Variants in MAGI1 observed in about 807,000 individuals in gnomAD.
MAGI1 encodes the protein membrane-associated guanylate kinase, WW and PDZ domain-containing protein 1.
A neutral mutation model predicts 139.9 loss-of-function variants in MAGI1; 58 were observed. The ratio of observed to expected loss-of-function variants is 0.41; its 90% confidence interval spans 0.34 to 0.52. MAGI1 has a LOEUF of 0.52. Ranked by LOEUF, MAGI1 falls within the 20% of genes least tolerant of loss-of-function variation. The pLI is 0.12. For missense variants in MAGI1, 1,874 were observed against 1,901.6 expected (o/e 0.99, Z 0.27); for synonymous variants, 812 against 737.9 (o/e 1.10, Z -1.63).
At chr3:65,795,580 T>C (rs555477980) in intron 1 of MAGI1, among the ~76,000 whole-genome samples, 11 of 152,250 alleles carry the variant, frequency 7.2e-5, no homozygotes, top group Admixed American at 6.5e-4. Context: ...GATGGCCCTG[T>C]AGTATTTCTT....
chr3:66,005,081 T>C (rs2066942022), intron 1 of MAGI1, among the ~76,000 whole-genome samples: 1 of 152,194 alleles, frequency 6.6e-6, no homozygotes, highest in African/African-American at 2.4e-5. Context: ...ATAAAATCTA[T>C]GAAACTATGA....
intron 1 of MAGI1, among the ~76,000 whole-genome samples, chr3:66,022,740 A>AT (rs1270784603): frequency 6.6e-6 from 1 of 152,236 alleles, no homozygotes; most frequent in East Asian, 1.9e-4. Flanking sequence ...ATGCCATATA[A>AT]TTAACAATCA....
intron 1 of MAGI1, among the ~76,000 whole-genome samples, chr3:65,958,107 A>T (rs1436088633): frequency 6.6e-6 from 1 of 152,008 alleles, no homozygotes; most frequent in Non-Finnish European, 1.5e-5. Context: ...CTTTGTGGTA[A>T]CTCATCCACT....
Position 65,462,181 on chromosome 3 carries a change from G to A in MAGI1, c.959+8102C>T, listed in dbSNP as rs559488356. Among the ~76,000 whole-genome samples the A allele has an allele frequency of 9.2e-5, 14 of 152,212 alleles. 1 individual carries two copies. Among genetic ancestry groups the A allele is most frequent in the African/African-American group, 1.4e-4 (6 of 41,528 alleles). ...CCATTGCTTTTGGTGTTTTAGTCAT[G>A]AAGTCTTTGCCCATGCCTATGTCCG... is the stretch of plus-strand genomic sequence containing the variant. On this transcript the variant is annotated intron_variant, in intron 5 of 22. Coordinates refer to ENST00000402939, the MANE Select transcript of MAGI1 (RefSeq NM_001033057.2).
intron 6 of MAGI1, among the ~76,000 whole-genome samples, chr3:65,449,993 G>A (rs1214007214): frequency 2.0e-5 from 3 of 152,088 alleles, no homozygotes; most frequent in African/African-American, 7.2e-5. Context: ...TGACACATTC[G>A]AATACCTAGG....
At chr3:65,443,651 T>A (rs4402868) in intron 7 of MAGI1, among the ~76,000 whole-genome samples, 49,561 of 152,002 alleles carry the variant, frequency 0.33, 8,271 homozygotes, top group Middle Eastern at 0.43. Flanking sequence ...CCATATTATT[T>A]TACTTGGTGA....
At position 65,879,521 on chromosome 3, in the gene MAGI1, A is replaced by C. The variant is rs538704167; in HGVS notation, c.313+158475T>G. On this transcript the variant is annotated intron_variant, in intron 1 of 22. Transcript: ENST00000402939. Reference sequence around the variant, plus strand: ...TGCTTAAAGCTTCACATATTATAACAACCTTGGGCAACCTGACCACCTGTG... The same window carrying C: ...TGCTTAAAGCTTCACATATTATAACCACCTTGGGCAACCTGACCACCTGTG... Among the ~76,000 whole-genome samples, 69 of 152,250 alleles carry C rather than the reference A, an allele frequency of 4.5e-4. 3 individuals carry two copies. The South Asian group carries it at 0.014, about 31-fold the overall frequency.
At position 65,844,530 on chromosome 3, in the gene MAGI1, G is replaced by A. The variant is rs528992596; in HGVS notation, c.313+193466C>T. ...CTATGTCCTCTTCTCAGAGAGCCCT[G>A]AAGTTTTAACATATTGAAAGCTCTG... On this transcript the variant is annotated intron_variant, in intron 1 of 22. Transcript: ENST00000402939. 2.9e-4 allele frequency: 65 copies of A among 223,474 alleles called. 1 individual carries two copies. In the South Asian group the frequency reaches 4.2e-3, roughly 14 times the overall value. 13.8% of individuals were successfully genotyped at this position (223,474 alleles called of 1,614,324 possible).
At chr3:65,977,635 C>T (rs1267177156) in intron 1 of MAGI1, among the ~76,000 whole-genome samples, 2 of 151,458 alleles carry the variant, frequency 1.3e-5, no homozygotes, top group African/African-American at 2.4e-5. Flanking sequence ...CACTTGAACC[C>T]GGGTGGCAGA....
At chr3:65,453,639 C>T (rs1447202143) in intron 5 of MAGI1, among the ~76,000 whole-genome samples, 2 of 152,132 alleles carry the variant, frequency 1.3e-5, no homozygotes, top group Admixed American at 6.5e-5. Flanking sequence ...TTGCGTATAC[C>T]ATCTACCCTT....
intron 1 of MAGI1, among the ~76,000 whole-genome samples, chr3:65,754,601 A>G (rs1350933187): frequency 6.6e-6 from 1 of 152,194 alleles, no homozygotes; most frequent in Non-Finnish European, 1.5e-5. Context: ...CTTAAGGAAA[A>G]TAGTTTCGTG....
At chr3:65,989,311 C>A (rs2066041734) in intron 1 of MAGI1, among the ~76,000 whole-genome samples, 1 of 152,194 alleles carries the variant, frequency 6.6e-6, no homozygotes, top group Non-Finnish European at 1.5e-5. Flanking sequence ...TGGCTGCACG[C>A]TAGACTTGTC....
chr3:65,671,135 T>C (rs1357377945), intron 1 of MAGI1, among the ~76,000 whole-genome samples: 1 of 152,166 alleles, frequency 6.6e-6, no homozygotes, highest in Admixed American at 6.5e-5. Context: ...TATCCCCATT[T>C]TACAGATGAG....
chr3:66,011,981 G>A (rs1411456355), intron 1 of MAGI1, among the ~76,000 whole-genome samples: 2 of 151,988 alleles, frequency 1.3e-5, no homozygotes, highest in Non-Finnish European at 2.9e-5. Context: ...AGGGCAATAG[G>A]ATACCCAACA....
intron 1 of MAGI1, among the ~76,000 whole-genome samples, chr3:65,691,163 C>T (rs1364836411): frequency 6.6e-6 from 1 of 151,646 alleles, no homozygotes; most frequent in South Asian, 2.1e-4. Flanking sequence ...ATTAGCCGGG[C>T]GTGGTGGCGG....
At chr3:65,968,203 G>A (rs2064850678) in intron 1 of MAGI1, among the ~76,000 whole-genome samples, 1 of 152,146 alleles carries the variant, frequency 6.6e-6, no homozygotes, top group African/African-American at 2.4e-5. Context: ...GAGCAATTTG[G>A]CAATATCGAA....
chr3:66,002,294 T>C (rs773518127), intron 1 of MAGI1, among the ~76,000 whole-genome samples: 14 of 152,166 alleles, frequency 9.2e-5, no homozygotes, highest in Non-Finnish European at 1.6e-4. Context: ...TAATAAATAA[T>C]TCCCTGAGGT....
In MAGI1 at chr3:65,921,217, G is replaced by A. The variant is rs149394553; in HGVS notation, c.313+116779C>T. On this transcript the variant is annotated intron_variant, in intron 1 of 22. Coordinates refer to ENST00000402939, the MANE Select transcript of MAGI1 (RefSeq NM_001033057.2). ...TGCCATGTTGGAAGAAAGCTACTAC[G>A]TGGTATTTTGCTCAGGCCAATGTAT... is the stretch of plus-strand genomic sequence containing the variant. Among the ~76,000 whole-genome samples the A allele has an allele frequency of 2.0e-3, 310 of 152,076 alleles. 1 individual carries two copies. Among genetic ancestry groups the A allele is most frequent in the African/African-American group, 6.8e-3 (283 of 41,466 alleles).
chr3:65,519,254 G>C (rs1335493367), intron 2 of MAGI1, among the ~76,000 whole-genome samples: 1 of 151,868 alleles, frequency 6.6e-6, no homozygotes, highest in Non-Finnish European at 1.5e-5. Flanking sequence ...CAGAGAGATA[G>C]AGGCCACCAT....
Sources: allele counts gnomAD v4.1 joint callset (sites outside exome capture counted in the v4.1 genomes callset), GRCh38; gene constraint gnomAD v4.1.1; transcripts MANE v1.5; gene names NCBI Gene and HGNC (gene_info 2026-07-23, HGNC 2026-07-21).